The following GYPB variants were observed in gnomAD, a reference collection of about 807,000 sequenced individuals.
GYPB encodes the protein glycophorin B (MNS blood group), also known as glycophorin-B.
GYPB carries 13 observed loss-of-function variants against 15.3 expected under a neutral mutation model. The ratio of observed to expected loss-of-function variants is 0.85; its 90% confidence interval spans 0.55 to 1.35. GYPB has a LOEUF of 1.35. Among genes scored for constraint, GYPB ranks in the 40% most tolerant of loss-of-function variants. GYPB has a pLI of 0.00. For missense variants in GYPB, 131 were observed against 108.3 expected, an observed-to-expected ratio of 1.21 and a Z score of -0.93; for synonymous variants, 38 against 36.9, an observed-to-expected ratio of 1.03 and a Z score of -0.11.
chr4:144,006,577 A>G (rs1560710176), intron 1 of GYPB, among the ~76,000 whole-genome samples: 1 of 151,996 alleles, frequency 6.6e-6, no homozygotes, highest in Admixed American at 6.5e-5. Flanking sequence ...GTTTTGCTGT[A>G]TGCCAAAACT....
At chr4:143,997,981 T>C (rs1280411473) in intron 3 of GYPB, among the ~76,000 whole-genome samples, 2 of 151,048 alleles carry the variant, frequency 1.3e-5, no homozygotes, top group Non-Finnish European at 2.9e-5. Flanking sequence ...ACCCACAAAT[T>C]CTCCCATAGT....
intron 1 of GYPB, among the ~76,000 whole-genome samples, chr4:144,001,804 A>G (rs1727639813): frequency 6.6e-6 from 1 of 151,014 alleles, no homozygotes; most frequent in Admixed American, 6.6e-5. Context: ...GTTCTGTCCC[A>G]TATCTCAGTG....
rs189114289 is a variant in GYPB, at chr4:144,005,020, A to G, written c.38-3737T>C. Among the ~76,000 whole-genome samples, 126 of 152,050 alleles carry G rather than the reference A, an allele frequency of 8.3e-4. 4 individuals are homozygous for G. Among genetic ancestry groups the G allele is most frequent in the African/African-American group, 2.9e-3 (119 of 41,244 alleles). On this transcript the variant is annotated intron_variant, in intron 1 of 4. Transcript: ENST00000502664. Reference sequence around the variant, plus strand: ...AAGGGAAGGCTCTCCTGTTATTTTTATCTCTTTGCCTTTGGAGCTCTCAGC... The same window carrying G: ...AAGGGAAGGCTCTCCTGTTATTTTTGTCTCTTTGCCTTTGGAGCTCTCAGC...
chr4:144,004,164 T>C (rs1365215708), intron 1 of GYPB, among the ~76,000 whole-genome samples: 2 of 151,870 alleles, frequency 1.3e-5, no homozygotes, highest in Admixed American at 6.5e-5. Context: ...GTTGCTCTGA[T>C]ACAACTTCTT....
chr4:143,999,666 T>C (rs1727518738), intron 2 of GYPB, among the ~76,000 whole-genome samples: 1 of 151,464 alleles, frequency 6.6e-6, no homozygotes, highest in Admixed American at 6.6e-5. Flanking sequence ...CCAACACGTA[T>C]TCATGGATGA....
intron 1 of GYPB, among the ~76,000 whole-genome samples, chr4:144,014,482 A>G (rs1005073176): frequency 2.0e-5 from 3 of 151,632 alleles, no homozygotes; most frequent in Non-Finnish European, 4.4e-5. Context: ...ATACTGATAC[A>G]CGCTACAATA....
chr4:144,005,133 A>G (rs1248414506), intron 1 of GYPB, among the ~76,000 whole-genome samples: 5 of 151,974 alleles, frequency 3.3e-5, no homozygotes, highest in Non-Finnish European at 7.3e-5. Flanking sequence ...TGAATTCAGA[A>G]GGTACATTTA....
chr4:144,018,052 T>C (rs1728596739), intron 1 of GYPB, among the ~76,000 whole-genome samples: 1 of 151,398 alleles, frequency 6.6e-6, no homozygotes, highest in Non-Finnish European at 1.5e-5. Context: ...ATATTATTAA[T>C]ACTTATTAAT....
chr4:143,999,398 A>T lies in GYPB; in HGVS notation c.175+13T>A. 2.7e-6 allele frequency: 4 copies of T among 1,459,238 alleles called. No individual in the cohort carries two copies. In the African/African-American group the frequency reaches 4.3e-5, roughly 16 times the overall value. The allele number at this position is 1,459,238 out of a possible 1,614,324, so 90.4% of individuals were successfully genotyped here. On this transcript the variant is annotated intron_variant, in intron 3 of 4. Transcript: ENST00000502664. ...ATGGAATGACTTTTATTCTTTGTCA[A>T]ATATTAACATACCTGGTACAGTGAA... is the stretch of plus-strand genomic sequence containing the variant.
chr4:144,003,293 T>A (rs1227337360), intron 1 of GYPB, among the ~76,000 whole-genome samples: 1 of 151,208 alleles, frequency 6.6e-6, no homozygotes, highest in Non-Finnish European at 1.5e-5. Context: ...GGAGGATAAC[T>A]TAGGGGAAAA....
At chr4:144,019,081 T>C (rs1728653110) in intron 1 of GYPB, among the ~76,000 whole-genome samples, 170 bp downstream of exon 1, 2 of 151,202 alleles carry the variant, frequency 1.3e-5, no homozygotes, top group African/African-American at 4.9e-5. Flanking sequence ...TTGTGTCATT[T>C]CCCCCACATT....
intron 1 of GYPB, chr4:144,002,438 G>A (rs1482049741): frequency 8.0e-6 from 3 of 373,006 alleles, no homozygotes; most frequent in East Asian, 7.4e-5. Context: ...TATGACTGCA[G>A]AGTATTCCAT....
At chr4:144,009,872 C>G (rs564391386) in intron 1 of GYPB, among the ~76,000 whole-genome samples, 1 of 150,916 alleles carries the variant, frequency 6.6e-6, no homozygotes, top group South Asian at 2.1e-4. Context: ...CTCAGCCTCC[C>G]AAAGTGATGG....
Position 143,996,283 on chromosome 4 carries a change from C to T in GYPB, c.*16G>A, listed in dbSNP as rs1727304682. On this transcript the variant is annotated 3_prime_UTR_variant, in exon 5 of 5. Coordinates refer to ENST00000502664, the MANE Select transcript of GYPB (RefSeq NM_002100.6). Reference sequence around the variant, plus strand: ...GCCGGTTCTAGGCAAGATCAGGCAGCATGCAGGCCACATCCTCATGCCTGT... The same window carrying T: ...GCCGGTTCTAGGCAAGATCAGGCAGTATGCAGGCCACATCCTCATGCCTGT... 3 of 1,550,694 alleles carry T rather than the reference C, an allele frequency of 1.9e-6. No individual in the cohort carries two copies. Among genetic ancestry groups the T allele is most frequent in the Non-Finnish European group, 2.6e-6 (3 of 1,147,212 alleles).
chr4:144,002,618 G>A lies in GYPB; in HGVS notation c.38-1335C>T, dbSNP rs538943928. The A allele has an allele frequency of 6.4e-5, 83 of 1,287,088 alleles. 4 individuals carry two copies. The African/African-American group carries it at 1.2e-3, about 18-fold the overall frequency. The allele number at this position is 1,287,088 out of a possible 1,614,324, so 79.7% of individuals were successfully genotyped here. A position where few individuals can be genotyped will look rare whatever the true frequency, so the allele number is the denominator to read the frequency against. On this transcript the variant is annotated intron_variant, in intron 1 of 4. Transcript: ENST00000502664. ...TTCAAATGAGGGGAATGGCACCCAA[G>A]TGCAGTGGAGTGGAGGTGGAAGGGC... is the stretch of plus-strand genomic sequence containing the variant.
rs1454037093 is a variant in GYPB, at chr4:144,012,409, C to G, written c.37+6842G>C. 6 of 151,370 alleles carry G rather than the reference C, an allele frequency of 4.0e-5. 2 individuals carry two copies. Among genetic ancestry groups the G allele is most frequent in the African/African-American group, 1.5e-4 (6 of 40,694 alleles). The allele number at this position is 151,370 out of a possible 1,614,324, so 9.4% of individuals were successfully genotyped here. A position where few individuals can be genotyped will look rare whatever the true frequency, so the allele number is the denominator to read the frequency against. On this transcript the variant is annotated intron_variant, in intron 1 of 4. Transcript: ENST00000502664. ...TCATTATACATGGATTAGTCTCTAC[C>G]TTATAGAATTATTGAACAGATTAAG...
chr4:143,996,109 T>A lies in GYPB; in HGVS notation c.*190A>T. Reference sequence around the variant, plus strand: ...TCATGACTATAATACATGAAAACGGTTTGTATTTTGTTTTATTTTTATTTA... The same window carrying A: ...TCATGACTATAATACATGAAAACGGATTGTATTTTGTTTTATTTTTATTTA... On this transcript the variant is annotated 3_prime_UTR_variant, in exon 5 of 5. Coordinates refer to ENST00000502664, the MANE Select transcript of GYPB (RefSeq NM_002100.6). 1 of 1,395,618 alleles carries A rather than the reference T, an allele frequency of 7.2e-7. No homozygotes were observed. Among genetic ancestry groups the A allele is most frequent in the Non-Finnish European group, 9.5e-7 (1 of 1,053,964 alleles). 86.5% of individuals were successfully genotyped at this position (1,395,618 alleles called of 1,614,324 possible).
downstream of GYPB, among the ~76,000 whole-genome samples, chr4:143,995,321 C>G (rs1362250768): frequency 5.3e-5 from 8 of 151,400 alleles, no homozygotes; most frequent in African/African-American, 2.5e-5. Flanking sequence ...AGATTTGTGA[C>G]AATCTCTTAC....
At chr4:143,999,588 G>C (rs1359050773) in intron 2 of GYPB, 139 bp from the exon 3 acceptor site, 1 of 598,852 alleles carries the variant, frequency 1.7e-6, no homozygotes, top group Non-Finnish European at 3.0e-6. Context: ...TCAACATCTA[G>C]CTAGTAACAT....
Sources: gnomAD v4.1 joint callset for allele counts (sites outside exome capture counted in the v4.1 genomes callset) on GRCh38, gnomAD v4.1.1 for gene constraint, MANE v1.5 for transcripts, NCBI Gene and HGNC (gene_info 2026-07-23, HGNC 2026-07-21) for gene names.